TUSC3: variants seen among roughly 807,000 people sequenced by gnomAD.
The protein encoded by TUSC3 is tumor suppressor candidate 3.
Under a neutral mutation model 44.8 loss-of-function variants are expected in TUSC3, and 45 were observed. The observed-to-expected ratio is 1.00, with a 90% CI of 0.79 to 1.29. The LOEUF (loss-of-function observed/expected upper bound fraction) is 1.29. Among genes scored for constraint, TUSC3 ranks in the 50% most tolerant of loss-of-function variants. The pLI is 0.00. For missense variants in TUSC3, 519 were observed against 437.9 expected, an observed-to-expected ratio of 1.19 and a Z score of -1.65; for synonymous variants, 212 against 152.9, an observed-to-expected ratio of 1.39 and a Z score of -2.85.
At chr8:15,761,333 A>G (rs985955276) in intron 10 of TUSC3, among the ~76,000 whole-genome samples, 3 of 152,162 alleles carry the variant, frequency 2.0e-5, no homozygotes, top group Non-Finnish European at 4.4e-5. Flanking sequence ...TTGTGTAAAC[A>G]GTCTCTCTGC....
rs554492362 is a variant in TUSC3 at position 15,718,222 on chromosome 8, C to T, written c.799-12444C>T. Among the ~76,000 whole-genome samples, 7 of 152,150 alleles carry T rather than the reference C, an allele frequency of 4.6e-5. No individual in the cohort carries two copies. In the South Asian group the frequency reaches 1.5e-3, roughly 32 times the overall value. ...GATTAGTGATAATCCAAGCGTGATA[C>T]ATTAAACATTCAGACAGAATCAGTT... On this transcript the variant is annotated intron_variant, in intron 6 of 10. Coordinates refer to ENST00000503731, the MANE Select transcript of TUSC3 (RefSeq NM_006765.4).
chr8:15,682,622 G>A (rs922424374), intron 6 of TUSC3, among the ~76,000 whole-genome samples: 4 of 152,098 alleles, frequency 2.6e-5, no homozygotes, highest in Non-Finnish European at 5.9e-5. Context: ...TCTATTAAGT[G>A]GAGCATTTAG....
intron 1 of TUSC3, among the ~76,000 whole-genome samples, chr8:15,439,147 C>T (rs1267097762): frequency 6.6e-6 from 1 of 152,132 alleles, no homozygotes; most frequent in African/African-American, 2.4e-5. Context: ...TGACCTTCAC[C>T]CATTTCCCTC....
chr8:15,758,144 T>C, intron 10 of TUSC3: 1 of 1,126,614 alleles, frequency 8.9e-7, no homozygotes, highest in East Asian at 5.0e-5. Context: ...CTGTTTGTTA[T>C]CACTTAGGGA....
intron 2 of TUSC3, among the ~76,000 whole-genome samples, chr8:15,512,870 G>A (rs377377174): frequency 1.5e-4 from 15 of 101,224 alleles, no homozygotes; most frequent in East Asian, 3.6e-4. Context: ...ATATATGTGT[G>A]TGTATATATA....
chr8:15,826,396 C>T, the TUSC3 span, among the ~76,000 whole-genome samples: 1 of 152,160 alleles, frequency 6.6e-6, no homozygotes, highest in East Asian at 1.9e-4. Flanking sequence ...CTTTAATTGC[C>T]TTTTCAGTAT....
rs180798785 is a variant in TUSC3, at chr8:15,683,295, T to C, written c.798+9459T>C. ...AACGCACAATGAATCATAGATTTGG[T>C]TGTTTTACACAATCTCTTATTTCTC... On this transcript the variant is annotated intron_variant, in intron 6 of 10. Transcript: ENST00000503731. Among the ~76,000 whole-genome samples the C allele has an allele frequency of 1.4e-3, 220 of 152,318 alleles. 1 individual carries two copies. Among genetic ancestry groups the C allele is most frequent in the African/African-American group, 5.1e-3 (214 of 41,570 alleles).
chr8:15,514,464 T>A (rs943213595), intron 2 of TUSC3, among the ~76,000 whole-genome samples: 2 of 152,140 alleles, frequency 1.3e-5, no homozygotes, highest in Non-Finnish European at 2.9e-5. Flanking sequence ...CTTTAAAAAA[T>A]TTGAAGTATA....
At chr8:15,503,590 G>A (rs1242393394) in intron 2 of TUSC3, among the ~76,000 whole-genome samples, 1 of 152,076 alleles carries the variant, frequency 6.6e-6, no homozygotes, top group Non-Finnish European at 1.5e-5. Context: ...TGTAGCCCCA[G>A]CTACTCACAA....
the TUSC3 span, among the ~76,000 whole-genome samples, chr8:15,788,890 A>AG: frequency 6.6e-6 from 1 of 152,192 alleles, no homozygotes; most frequent in Non-Finnish European, 1.5e-5. Flanking sequence ...TGTTTCTGCA[A>AG]TTCTCAGACA....
intron 1 of TUSC3, among the ~76,000 whole-genome samples, chr8:15,443,600 C>G (rs1041495739): frequency 6.6e-6 from 1 of 152,094 alleles, no homozygotes; most frequent in East Asian, 1.9e-4. Context: ...GCTGAACTAG[C>G]TTTGGGAGGA....
intron 9 of TUSC3, among the ~76,000 whole-genome samples, chr8:15,752,559 G>A (rs556361666): frequency 1.6e-4 from 24 of 152,120 alleles, no homozygotes; most frequent in Admixed American, 3.9e-4. Context: ...ACATCATAGT[G>A]TTCTGGTATT....
At chr8:15,769,608 A>G (rs1812405989), downstream of TUSC3, among the ~76,000 whole-genome samples, 1 of 152,192 alleles carries the variant, frequency 6.6e-6, no homozygotes, top group African/African-American at 2.4e-5. Flanking sequence ...GAGCTTCTGC[A>G]CGGCAAAAGA....
At chr8:15,567,362 C>T (rs150515635) in intron 1 of TUSC3, among the ~76,000 whole-genome samples, 1 of 152,200 alleles carries the variant, frequency 6.6e-6, no homozygotes, top group African/African-American at 2.4e-5. Context: ...TAGTTTAAAA[C>T]GTTTTCTCAT....
intron 1 of TUSC3, among the ~76,000 whole-genome samples, chr8:15,423,979 T>TG (rs1563247199): frequency 9.1e-6 from 1 of 110,068 alleles, no homozygotes; most frequent in Non-Finnish European, 1.9e-5. Flanking sequence ...GTTTTTTTTT[T>TG]TTTTTTTTTT....
the TUSC3 span, among the ~76,000 whole-genome samples, chr8:15,777,349 T>C: frequency 5.9e-5 from 9 of 152,148 alleles, no homozygotes; most frequent in South Asian, 1.0e-3. Context: ...TCAGCAACTT[T>C]CCTGAGCTCC....
downstream of TUSC3, among the ~76,000 whole-genome samples, chr8:15,770,542 T>TA (rs1812422860): frequency 6.6e-6 from 1 of 152,116 alleles, no homozygotes; most frequent in African/African-American, 2.4e-5. Context: ...TCCCAGAACT[T>TA]AAAGTATAAT....
chr8:15,804,121 C>T, the TUSC3 span, among the ~76,000 whole-genome samples: 2 of 152,160 alleles, frequency 1.3e-5, no homozygotes, highest in African/African-American at 2.4e-5. Flanking sequence ...TCAGGAATCA[C>T]CAGACTATCT....
the TUSC3 span, among the ~76,000 whole-genome samples, chr8:15,801,391 G>A: frequency 2.0e-5 from 3 of 152,168 alleles, no homozygotes; most frequent in Non-Finnish European, 2.9e-5. Context: ...GGGTGGCTGA[G>A]AGCATGTCTG....
Sources: gnomAD v4.1 joint callset for allele counts (sites outside exome capture counted in the v4.1 genomes callset) on GRCh38, gnomAD v4.1.1 for gene constraint, MANE v1.5 for transcripts, NCBI Gene and HGNC (gene_info 2026-07-23, HGNC 2026-07-21) for gene names.